HPSE: variants seen among roughly 807,000 people sequenced by gnomAD.
HPSE encodes the protein heparanase, also known as endo-glucoronidase.
In HPSE, 48 loss-of-function variants were observed where a neutral mutation model predicts 65.1. The ratio of observed to expected loss-of-function variants is 0.74; its 90% CI spans 0.58 to 0.94. HPSE has a LOEUF of 0.94. HPSE is among the 40% of genes least tolerant of loss of function. The pLI is 0.00. For missense variants in HPSE, 644 were observed against 637.5 expected, an observed-to-expected ratio of 1.01 and a Z score of -0.11; for synonymous variants, 243 against 260.0, an observed-to-expected ratio of 0.93 and a Z score of 0.63.
intron 1 of HPSE, among the ~76,000 whole-genome samples, chr4:83,324,985 T>C (rs1737085770): frequency 6.6e-6 from 1 of 152,190 alleles, no homozygotes; most frequent in Admixed American, 6.5e-5. Context: ...AATAAAAGAA[T>C]ATATATTTAT....
Position 83,295,299 on chromosome 4 carries a change from T to C in HPSE, c.*45A>G, listed in dbSNP as rs772559711. On this transcript the variant is annotated 3_prime_UTR_variant, in exon 12 of 12. Transcript: ENST00000311412. Reference sequence around the variant, plus strand: ...CCTATAACTTGAGTTGCTTTACTCTTAGTATACTTGAAAAATTCAGTGTCA... The same window carrying C: ...CCTATAACTTGAGTTGCTTTACTCTCAGTATACTTGAAAAATTCAGTGTCA... 1.3e-6 allele frequency: 2 copies of C among 1,529,766 alleles called. No individual in the cohort carries two copies. The highest frequency in any genetic ancestry group is 3.8e-5 in the Admixed American group (2 of 53,088). The allele number at this position is 1,529,766 out of a possible 1,614,324, so 94.8% of individuals were successfully genotyped here.
chr4:83,297,006 A>T (rs768608559), intron 11 of HPSE, among the ~76,000 whole-genome samples: 2 of 152,246 alleles, frequency 1.3e-5, no homozygotes, highest in Admixed American at 6.5e-5. Flanking sequence ...TGATAAAATT[A>T]TAATTCCTAT....
intron 3 of HPSE, among the ~76,000 whole-genome samples, chr4:83,313,974 C>T (rs1050739698): frequency 1.3e-5 from 2 of 152,082 alleles, no homozygotes; most frequent in South Asian, 4.1e-4. Flanking sequence ...GCACAGGGGC[C>T]AGGTGCAGTG....
intron 1 of HPSE, among the ~76,000 whole-genome samples, chr4:83,330,789 CTA>C (rs563949905): frequency 3.9e-5 from 6 of 152,208 alleles, no homozygotes; most frequent in Non-Finnish European, 5.9e-5. Context: ...CGACTCAGCA[CTA>C]TACTTTTTTT....
chr4:83,305,188 G>A (rs1167350193), intron 9 of HPSE, among the ~76,000 whole-genome samples: 1 of 152,186 alleles, frequency 6.6e-6, no homozygotes, highest in Non-Finnish European at 1.5e-5. Flanking sequence ...GTAAGGCAAA[G>A]GTTTATGTCT....
chr4:83,313,309 T>TAAA (rs1560509885), intron 3 of HPSE, 22 bp from the exon 4 acceptor site: 1 of 1,582,150 alleles, frequency 6.3e-7, no homozygotes, highest in Non-Finnish European at 8.6e-7. Context: ...ACGTCACAAT[T>TAAA]TAATGGTTAG....
chr4:83,332,629 T>C (rs530710013), intron 1 of HPSE, among the ~76,000 whole-genome samples: 1 of 152,348 alleles, frequency 6.6e-6, no homozygotes, highest in African/African-American at 2.4e-5. Flanking sequence ...AATGAAGAGA[T>C]GTATTTAAGA....
At chr4:83,306,060 G>T in intron 9 of HPSE, 143 bp downstream of exon 9, 1 of 527,600 alleles carries the variant, frequency 1.9e-6, no homozygotes, top group South Asian at 2.8e-5. Context: ...TAGATTGGAT[G>T]CTATCTAAGG....
chr4:83,327,766 T>C (rs1310188039), intron 1 of HPSE, among the ~76,000 whole-genome samples: 3 of 152,216 alleles, frequency 2.0e-5, no homozygotes, highest in Non-Finnish European at 2.9e-5. Flanking sequence ...TGTTAAACTG[T>C]TGGCAGTTTG....
intron 1 of HPSE, among the ~76,000 whole-genome samples, chr4:83,325,133 GTGTGTGTGTGT>G (rs1228498338): frequency 1.1e-4 from 2 of 17,878 alleles, no homozygotes; most frequent in African/African-American, 2.0e-3. Flanking sequence ...ACAACTTGGT[GTGTGTGTGTGT>G]GTGTGTGTGT....
At chr4:83,319,783 G>A (rs1019223351) in intron 2 of HPSE, among the ~76,000 whole-genome samples, 1 of 152,002 alleles carries the variant, frequency 6.6e-6, no homozygotes, top group Non-Finnish European at 1.5e-5. Flanking sequence ...ATTACTGGCC[G>A]GGTGCAGTGG....
At chr4:83,325,207 C>T (rs1737101499) in intron 1 of HPSE, among the ~76,000 whole-genome samples, 1 of 144,568 alleles carries the variant, frequency 6.9e-6, no homozygotes, top group South Asian at 2.2e-4. Flanking sequence ...TCTCTGTCAT[C>T]CAGGCTGGAG....
chr4:83,324,113 CTTTTTTTTT>C lies in HPSE; in HGVS notation c.228-1758_228-1750del, dbSNP rs398051210. On this transcript the variant is annotated intron_variant, in intron 1 of 11. Coordinates refer to ENST00000311412, the MANE Select transcript of HPSE (RefSeq NM_001098540.3). ...CTGATTGCCAATACTTCTTCTTCTT[CTTTTTTTTT>C]TTTTTTTTTTTTTTTTGAGACAGGA... Among the ~76,000 whole-genome samples, 525 of 74,778 alleles carry C rather than the reference CTTTTTTTTT, an allele frequency of 7.0e-3. 8 individuals carry two copies. Among genetic ancestry groups the C allele is most frequent in the African/African-American group, 0.027 (511 of 19,230 alleles). The allele number at this position is 74,778 out of a possible 152,430, so 49.1% of individuals were successfully genotyped here.
intron 1 of HPSE, among the ~76,000 whole-genome samples, chr4:83,328,107 C>T (rs971802621): frequency 6.6e-6 from 1 of 152,178 alleles, no homozygotes; most frequent in Non-Finnish European, 1.5e-5. Context: ...TTGCCAAATG[C>T]CTCCAAGAGA....
In HPSE at chr4:83,293,033, A is replaced by C. The variant is rs927964702; in HGVS notation, c.*2311T>G. The C allele has an allele frequency of 2.6e-5, 4 of 152,222 alleles. No homozygotes were observed. The highest frequency in any genetic ancestry group is 2.6e-4 in the Admixed American group (4 of 15,284). The allele number at this position is 152,222 out of a possible 1,614,324, so 9.4% of individuals were successfully genotyped here. ...AAATAAAAAATTTTAAAGATACTAT[A>C]TCCATAACAGGCATACATTTGAAGA... is the stretch of plus-strand genomic sequence containing the variant. On this transcript the variant is annotated 3_prime_UTR_variant, in exon 12 of 12. Coordinates refer to ENST00000311412, the MANE Select transcript of HPSE (RefSeq NM_001098540.3).
At chr4:83,297,314 T>G (rs1735769140) in intron 11 of HPSE, among the ~76,000 whole-genome samples, 1 of 152,064 alleles carries the variant, frequency 6.6e-6, no homozygotes, top group Non-Finnish European at 1.5e-5. Context: ...ATCCCCATCA[T>G]TAAGCAACAC....
chr4:83,304,707 C>T (rs1736088210), intron 9 of HPSE, among the ~76,000 whole-genome samples: 1 of 152,068 alleles, frequency 6.6e-6, no homozygotes, highest in South Asian at 2.1e-4. Flanking sequence ...TCAACACATA[C>T]CCCAACTTTC....
rs1735679231 is a variant in HPSE at position 83,295,282 on chromosome 4, T to G, written c.*62A>C. Reference sequence around the variant, plus strand: ...AGGTATCTGCTTCCTTTCCTATAACTTGAGTTGCTTTACTCTTAGTATACT... The same window carrying G: ...AGGTATCTGCTTCCTTTCCTATAACGTGAGTTGCTTTACTCTTAGTATACT... On this transcript the variant is annotated 3_prime_UTR_variant, in exon 12 of 12. Coordinates refer to ENST00000311412, the MANE Select transcript of HPSE (RefSeq NM_001098540.3). 1 of 1,422,894 alleles carries G rather than the reference T, an allele frequency of 7.0e-7. No homozygotes were observed. The highest frequency in any genetic ancestry group is 1.4e-5 in the African/African-American group (1 of 70,032). 88.1% of individuals were successfully genotyped at this position (1,422,894 alleles called of 1,614,324 possible). A position where few individuals can be genotyped will look rare whatever the true frequency, so the allele number is the denominator to read the frequency against.
intron 1 of HPSE, among the ~76,000 whole-genome samples, chr4:83,331,338 G>A (rs1169072496): frequency 6.6e-6 from 1 of 152,140 alleles, no homozygotes; most frequent in Non-Finnish European, 1.5e-5. Flanking sequence ...TACATGCTGA[G>A]AAAACATTTT....
Sources: allele counts gnomAD v4.1 joint callset (sites outside exome capture counted in the v4.1 genomes callset), GRCh38; gene constraint gnomAD v4.1.1; transcripts MANE v1.5; gene names NCBI Gene and HGNC (gene_info 2026-07-23, HGNC 2026-07-21).